The following TSHZ3 variants were observed in gnomAD, a reference collection of about 807,000 sequenced individuals.
TSHZ3 encodes teashirt homolog 3.
Under a neutral mutation model 64.5 loss-of-function variants are expected in TSHZ3, and 10 were observed. That is an observed-to-expected ratio of 0.16 (90% CI 0.10 to 0.26). The LOEUF (loss-of-function observed/expected upper bound fraction) is 0.26. TSHZ3 is among the 10% of genes least tolerant of loss of function. The probability of loss-of-function intolerance (pLI) is 1.00; values close to 1 mark genes in which losing one functional copy is unlikely to be tolerated. For synonymous variants in TSHZ3, 608 were observed against 593.1 expected, an observed-to-expected ratio of 1.03 and a Z score of -0.36; for missense variants, 1,242 against 1,421.7, an observed-to-expected ratio of 0.87 and a Z score of 2.03.
chr19:31,243,924 G>A lies in TSHZ3; in HGVS notation n.64-1049C>T, dbSNP rs114702343. On this transcript the variant is annotated intron_variant and non_coding_transcript_variant, in intron 1 of 6. Transcript: ENST00000651361. Reference sequence around the variant, plus strand: ...ACTGTGGTTGCTCTACCCTGAGGGTGGTTATCAGCAAGGCCTTTTTAAAGT... The same window carrying A: ...ACTGTGGTTGCTCTACCCTGAGGGTAGTTATCAGCAAGGCCTTTTTAAAGT... Among the ~76,000 whole-genome samples, 920 of 152,292 alleles carry A rather than the reference G, an allele frequency of 6.0e-3. 12 individuals carry two copies. The highest frequency in any genetic ancestry group is 0.021 in the African/African-American group (879 of 41,550).
intron 1 of TSHZ3, among the ~76,000 whole-genome samples, chr19:31,265,906 C>T (rs1044927080): frequency 8.5e-5 from 13 of 152,214 alleles, no homozygotes; most frequent in Non-Finnish European, 4.4e-5. Context: ...CACCCATGTC[C>T]AGTTGGGCCT....
chr19:31,187,827 T>C (rs1307754623), intron 5 of TSHZ3, among the ~76,000 whole-genome samples: 2 of 152,162 alleles, frequency 1.3e-5, no homozygotes, highest in Non-Finnish European at 2.9e-5. Context: ...TTGATAACTT[T>C]AGTTTCACAG....
At chr19:31,192,943 G>C (rs1175450286) in intron 5 of TSHZ3, among the ~76,000 whole-genome samples, 1 of 152,168 alleles carries the variant, frequency 6.6e-6, no homozygotes, top group African/African-American at 2.4e-5. Flanking sequence ...ATTAGTGGGA[G>C]AAGCCTTTGC....
chr19:31,315,122 C>A (rs368801489), intron 1 of TSHZ3, among the ~76,000 whole-genome samples: 1 of 152,218 alleles, frequency 6.6e-6, no homozygotes, highest in Non-Finnish European at 1.5e-5. Context: ...ATGCTCTCCC[C>A]GAGCGGCCAG....
At chr19:31,260,316 C>T (rs564664141) in intron 1 of TSHZ3, among the ~76,000 whole-genome samples, 1 of 152,338 alleles carries the variant, frequency 6.6e-6, no homozygotes, top group African/African-American at 2.4e-5. Flanking sequence ...ATCTCTTGTC[C>T]GTGGTGCCCT....
intron 4 of TSHZ3, among the ~76,000 whole-genome samples, chr19:31,214,010 T>C (rs977733730): frequency 6.6e-6 from 1 of 152,244 alleles, no homozygotes; most frequent in Non-Finnish European, 1.5e-5. Context: ...ATCGTTAACT[T>C]GTGCTGAGTG....
At chr19:31,306,684 G>T (rs1916308180) in intron 1 of TSHZ3, among the ~76,000 whole-genome samples, 1 of 152,128 alleles carries the variant, frequency 6.6e-6, no homozygotes, top group Non-Finnish European at 1.5e-5. Flanking sequence ...TAATACACTG[G>T]AGATACCCTG....
At chr19:31,283,854 C>T (rs1277465860) in intron 1 of TSHZ3, among the ~76,000 whole-genome samples, 1 of 152,146 alleles carries the variant, frequency 6.6e-6, no homozygotes, top group Admixed American at 6.5e-5. Context: ...AGCGAATGCC[C>T]TGGATCAGGC....
chr19:31,329,668 G>A (rs954614713), intron 1 of TSHZ3, among the ~76,000 whole-genome samples: 11 of 152,110 alleles, frequency 7.2e-5, no homozygotes, highest in Non-Finnish European at 1.2e-4. Flanking sequence ...TCTGAATATC[G>A]GAAGATGCAT....
At chr19:31,342,563 TTTACA>T (rs1428997939) in intron 1 of TSHZ3, among the ~76,000 whole-genome samples, 1 of 152,198 alleles carries the variant, frequency 6.6e-6, no homozygotes, top group African/African-American at 2.4e-5. Flanking sequence ...TCAAAACCCA[TTTACA>T]TTAAATTGTT....
chr19:31,183,219 TCTCTCTCTTTC>T (rs1974749379), intron 5 of TSHZ3, among the ~76,000 whole-genome samples: 10 of 93,780 alleles, frequency 1.1e-4, no homozygotes, highest in African/African-American at 4.1e-4. Context: ...TCTCTCTCTC[TCTCTCTCTTTC>T]TCTCTCTCTC....
intron 5 of TSHZ3, among the ~76,000 whole-genome samples, chr19:31,177,239 T>C (rs570547723): frequency 6.6e-6 from 1 of 152,320 alleles, no homozygotes; most frequent in Admixed American, 6.5e-5. Context: ...AGGCATGCTG[T>C]ATTTCAAATT....
Position 31,231,347 on chromosome 19 carries a change from G to C in TSHZ3, n.551-3207C>G, listed in dbSNP as rs200062479. On this transcript the variant is annotated intron_variant and non_coding_transcript_variant, in intron 3 of 6. Coordinates refer to the TSHZ3 transcript ENST00000651361. ...ACCTGAGTCTGATGCCAAAGCCCCT[G>C]GCTGATCTACATTGATTAGGTGCTT... 5.3e-5 allele frequency among the ~76,000 whole-genome samples: 8 copies of C among 152,156 alleles called. No homozygotes were observed. In the East Asian group the frequency reaches 1.6e-3, roughly 30 times the overall value.
intron 1 of TSHZ3, chr19:31,308,498 A>G (rs201653882): frequency 6.6e-5 from 12 of 180,788 alleles, no homozygotes; most frequent in Non-Finnish European, 1.1e-4. Flanking sequence ...ATTGTTTGTC[A>G]TCGTCTCCAG....
At position 31,346,792 on chromosome 19, in the gene TSHZ3, AC is replaced by A. The variant is rs766632726; in HGVS notation, c.40+2387del. ...TCTGGTCCATCCAAACAAACAAACCACCCCCAAAAAAAAAACCTCTGTGCAT... is the reference window on the plus strand; with the variant it reads ...TCTGGTCCATCCAAACAAACAAACCACCCCAAAAAAAAAACCTCTGTGCAT... On this transcript the variant is annotated intron_variant, in intron 1 of 1. Coordinates refer to ENST00000240587, the MANE Select transcript of TSHZ3 (RefSeq NM_020856.4). 2.0e-3 allele frequency among the ~76,000 whole-genome samples: 291 copies of A among 143,926 alleles called. 1 individual carries two copies. Among genetic ancestry groups the A allele is most frequent in the Middle Eastern group, 3.4e-3 (1 of 290 alleles). 94.4% of individuals were successfully genotyped at this position (143,926 alleles called of 152,430 possible).
chr19:31,276,855 C>A lies in TSHZ3; in HGVS notation c.2938G>T (p.Asp980Tyr). The A allele has an allele frequency of 3.1e-6, 5 of 1,614,168 alleles. No individual in the cohort carries two copies. The highest frequency in any genetic ancestry group is 4.2e-6 in the Non-Finnish European group (5 of 1,180,026). ...DTGHPVFFCN[D>Y]CASQIRTPST... ...GGAGTCCTGATTTGGGACGCACAATCGTTACAAAAGAAGACGGGGTGGCCA... is the reference window on the plus strand; with the variant it reads ...GGAGTCCTGATTTGGGACGCACAATAGTTACAAAAGAAGACGGGGTGGCCA... The change falls in exon 2 of 2, where the codon GAT becomes TAT. Residue 980 changes from aspartate (D) to tyrosine (Y), a missense_variant. Asp to Tyr is a radical substitution (Grantham distance 160). Transcript: ENST00000240587.
intron 1 of TSHZ3, among the ~76,000 whole-genome samples, chr19:31,299,339 G>A (rs1336847619): frequency 6.6e-6 from 1 of 152,196 alleles, no homozygotes; most frequent in African/African-American, 2.4e-5. Flanking sequence ...TGAAAAATGG[G>A]ACAATATCAT....
intron 6 of TSHZ3, among the ~76,000 whole-genome samples, chr19:31,152,215 A>T (rs1274221447): frequency 6.6e-6 from 1 of 151,266 alleles, no homozygotes; most frequent in South Asian, 2.1e-4. Flanking sequence ...GGATGGTTCC[A>T]TATTACTGTG....
intron 1 of TSHZ3, among the ~76,000 whole-genome samples, chr19:31,260,000 GA>G (rs983830930): frequency 1.3e-5 from 2 of 152,116 alleles, no homozygotes; most frequent in African/African-American, 4.8e-5. Flanking sequence ...TTCATCACTA[GA>G]ACAACTTCTA....
Sources: gnomAD v4.1 joint callset for allele counts (sites outside exome capture counted in the v4.1 genomes callset) on GRCh38, gnomAD v4.1.1 for gene constraint, MANE v1.5 for transcripts, NCBI Gene and HGNC (gene_info 2026-07-23, HGNC 2026-07-21) for gene names.